TYR: variants seen among roughly 807,000 people sequenced by gnomAD.
TYR encodes tyrosinase, also known as LB24-AB.
Under a neutral mutation model 51.5 loss-of-function variants are expected in TYR, and 58 were observed. That is an observed-to-expected ratio of 1.13 (90% CI 0.91 to 1.40). TYR has a LOEUF of 1.40. Among genes scored for constraint, TYR ranks in the 40% most tolerant of loss-of-function variants. The pLI, the probability that TYR is intolerant of heterozygous loss-of-function variation, is 0.00. For synonymous variants in TYR, 263 were observed against 235.2 expected, an observed-to-expected ratio of 1.12 and a Z score of -1.08; for missense variants, 732 against 647.4, an observed-to-expected ratio of 1.13 and a Z score of -1.42.
chr11:89,191,150 T>G lies in TYR; in HGVS notation c.820-52T>G, dbSNP rs530239929. On this transcript the variant is annotated intron_variant, in intron 1 of 4. Coordinates refer to ENST00000263321, the MANE Select transcript of TYR (RefSeq NM_000372.5). The stretch of plus-strand genomic sequence containing the variant: ...GAGTTCCAACATTTCTGCCTTCTCC[T>G]ACTGACTCAGTGGTGGTGACAATTT... 182 of 1,547,152 alleles carry G rather than the reference T, an allele frequency of 1.2e-4. 1 individual carries two copies. The South Asian group carries it at 1.5e-3, about 13-fold the overall frequency.
At chr11:89,220,415 A>G (rs1943894156) in intron 2 of TYR, among the ~76,000 whole-genome samples, 1 of 152,170 alleles carries the variant, frequency 6.6e-6, no homozygotes, top group African/African-American at 2.4e-5. Context: ...TTGCCCCATG[A>G]TCAAATCACC....
rs1282671250 is a variant in TYR, at chr11:89,186,649, G to A, written c.820-4553G>A. ...GAGTAAAACAGAGGCCTTCTCTACC[G>A]AGGCTGGCTGCACCTTAGCACGGTG... On this transcript the variant is annotated intron_variant, in intron 1 of 4. Coordinates refer to ENST00000263321, the MANE Select transcript of TYR (RefSeq NM_000372.5). Among the ~76,000 whole-genome samples, 5 of 152,246 alleles carry A rather than the reference G, an allele frequency of 3.3e-5. No individual in the cohort carries two copies. The South Asian group carries it at 6.2e-4, about 19-fold the overall frequency.
chr11:89,285,357 G>A (rs186703914), intron 4 of TYR, among the ~76,000 whole-genome samples: 385 of 151,834 alleles, frequency 2.5e-3, no homozygotes, highest in Non-Finnish European at 4.0e-3. Flanking sequence ...ATACATTAAT[G>A]AGCCTAGTAC....
intron 3 of TYR, among the ~76,000 whole-genome samples, chr11:89,266,979 G>A (rs1944532950): frequency 6.6e-6 from 1 of 151,802 alleles, no homozygotes; most frequent in Admixed American, 6.6e-5. Context: ...TTTTGTCTGG[G>A]GGAAAGACTT....
chr11:89,218,079 C>T lies in TYR; in HGVS notation c.1037-9744C>T, dbSNP rs567177452. On this transcript the variant is annotated intron_variant, in intron 2 of 4. Coordinates refer to ENST00000263321, the MANE Select transcript of TYR (RefSeq NM_000372.5). ...TATTTTTCATGTAGGTTGTTCAGGG[C>T]TTTCTCTCTATTCACTTAATTATTC... 9.9e-5 allele frequency among the ~76,000 whole-genome samples: 15 copies of T among 152,216 alleles called. No individual in the cohort carries two copies. The South Asian group carries it at 1.9e-3, about 19-fold the overall frequency.
At chr11:89,197,472 T>C (rs1383518245) in intron 2 of TYR, among the ~76,000 whole-genome samples, 1 of 152,176 alleles carries the variant, frequency 6.6e-6, no homozygotes, top group African/African-American at 2.4e-5. Flanking sequence ...TTAAAAACCA[T>C]AACATTCTTA....
intron 3 of TYR, among the ~76,000 whole-genome samples, chr11:89,269,418 T>C (rs1399651706): frequency 3.9e-5 from 6 of 151,952 alleles, no homozygotes; most frequent in African/African-American, 9.7e-5. Flanking sequence ...TGGATGCACA[T>C]TGAATTATTC....
At chr11:89,259,013 A>C (rs1428825054) in intron 3 of TYR, among the ~76,000 whole-genome samples, 2 of 152,056 alleles carry the variant, frequency 1.3e-5, no homozygotes, top group African/African-American at 4.8e-5. Flanking sequence ...TTGCTGCACG[A>C]ATCAGTGGGT....
intron 1 of TYR, among the ~76,000 whole-genome samples, chr11:89,186,257 A>T (rs897890784): frequency 6.6e-6 from 1 of 152,186 alleles, no homozygotes; most frequent in African/African-American, 2.4e-5. Context: ...CCATCGCACA[A>T]TGCTCCATGC....
intron 3 of TYR, among the ~76,000 whole-genome samples, chr11:89,246,222 TC>T (rs1400963526): frequency 1.3e-5 from 2 of 152,104 alleles, no homozygotes; most frequent in African/African-American, 2.4e-5. Flanking sequence ...AGTGGAAGGA[TC>T]ATGAAACCTG....
chr11:89,265,661 A>C (rs1044882339), intron 3 of TYR, among the ~76,000 whole-genome samples: 2 of 151,996 alleles, frequency 1.3e-5, no homozygotes, highest in South Asian at 2.1e-4. Context: ...AGGGGGTTTC[A>C]CTAGTCTCTC....
rs186623245 is a variant in TYR, at chr11:89,191,157, T to A, written c.820-45T>A. On this transcript the variant is annotated intron_variant, in intron 1 of 4. Transcript: ENST00000263321. ...AACATTTCTGCCTTCTCCTACTGACTCAGTGGTGGTGACAATTTGTTTAAC... is the reference window on the plus strand; with the variant it reads ...AACATTTCTGCCTTCTCCTACTGACACAGTGGTGGTGACAATTTGTTTAAC... 91 of 1,572,490 alleles carry A rather than the reference T, an allele frequency of 5.8e-5. No individual in the cohort carries two copies. The African/African-American group carries it at 1.2e-3, about 20-fold the overall frequency.
intron 4 of TYR, among the ~76,000 whole-genome samples, chr11:89,287,655 T>C (rs1026480869): frequency 6.6e-5 from 10 of 151,856 alleles, no homozygotes; most frequent in Non-Finnish European, 1.2e-4. Context: ...AAGGAGGACA[T>C]GGTTATGAAT....
At chr11:89,222,299 C>G (rs764174195) in intron 2 of TYR, among the ~76,000 whole-genome samples, 1 of 152,170 alleles carries the variant, frequency 6.6e-6, no homozygotes, top group African/African-American at 2.4e-5. Flanking sequence ...TTTCAAACTC[C>G]AAGTGCCTGA....
intron 2 of TYR, among the ~76,000 whole-genome samples, chr11:89,218,136 A>G (rs1425117278): frequency 6.6e-6 from 1 of 152,184 alleles, no homozygotes; most frequent in African/African-American, 2.4e-5. Flanking sequence ...GGCCTATAAC[A>G]TAAAAACATA....
At chr11:89,279,660 C>T (rs1944697921) in intron 3 of TYR, among the ~76,000 whole-genome samples, 1 of 151,568 alleles carries the variant, frequency 6.6e-6, no homozygotes, top group African/African-American at 2.4e-5. Flanking sequence ...TGGCCATGAC[C>T]CTTATGATGG....
chr11:89,212,615 C>G (rs1393242743), intron 2 of TYR, among the ~76,000 whole-genome samples: 1 of 152,138 alleles, frequency 6.6e-6, no homozygotes, highest in Non-Finnish European at 1.5e-5. Context: ...CATACCAAAG[C>G]CTGGCAGAGA....
chr11:89,289,539 G>A (rs116564111), intron 4 of TYR, among the ~76,000 whole-genome samples: 2,145 of 151,904 alleles, frequency 0.014, 56 homozygotes, highest in African/African-American at 0.047. Flanking sequence ...CATTACTCTC[G>A]AAATGATTTG....
At chr11:89,290,922 G>A (rs774062340) in intron 4 of TYR, among the ~76,000 whole-genome samples, 26 of 151,918 alleles carry the variant, frequency 1.7e-4, no homozygotes, top group Non-Finnish European at 3.2e-4. Context: ...TTGTTAGAAA[G>A]AATCCATTTG....
Sources: allele counts gnomAD v4.1 joint callset (sites outside exome capture counted in the v4.1 genomes callset), GRCh38; gene constraint gnomAD v4.1.1; transcripts MANE v1.5; gene names NCBI Gene and HGNC (gene_info 2026-07-23, HGNC 2026-07-21).